ARHGAP22: variants seen among roughly 807,000 people sequenced by gnomAD.
ARHGAP22 encodes rho GTPase-activating protein 22.
Under a neutral mutation model 59.1 loss-of-function variants are expected in ARHGAP22, and 48 were observed. The observed-to-expected ratio is 0.81, with a 90% CI of 0.64 to 1.03. The LOEUF is 1.03. Ranked by LOEUF, ARHGAP22 falls within the 50% of genes least tolerant of loss-of-function variation. The pLI is 0.00. For missense variants in ARHGAP22, 1,015 were observed against 958.7 expected (o/e 1.06, Z -0.78); for synonymous variants, 445 against 416.4 (o/e 1.07, Z -0.84).
At chr10:48,457,550 C>T (rs1396354486) in intron 5 of ARHGAP22, among the ~76,000 whole-genome samples, 1 of 152,202 alleles carries the variant, frequency 6.6e-6, no homozygotes, top group Non-Finnish European at 1.5e-5. Flanking sequence ...GAGAGCCTGG[C>T]GGCCAGGAGT....
At chr10:48,597,561 G>A (rs1426362414) in intron 1 of ARHGAP22, among the ~76,000 whole-genome samples, 2 of 152,164 alleles carry the variant, frequency 1.3e-5, no homozygotes, top group African/African-American at 4.8e-5. Context: ...CTGTGGTGAG[G>A]ATGAAATCAA....
At position 48,450,539 on chromosome 10, in the gene ARHGAP22, C is replaced by A. The variant is rs1479756076; in HGVS notation, c.1590G>T (p.Thr530=). ...CAGACGAGTCGCTGGCGCGGCAGGC[C>A]GTGCAGCTGCTGAGTGAGCCCCCCA... ...SSVGGSLSSC[T]ACRASDSSAR... is the part of the protein sequence containing the mutation. Residue 530 remains threonine, a synonymous_variant, in exon 9 of 10, where the codon ACG becomes ACT. Coordinates refer to ENST00000249601, the MANE Select transcript of ARHGAP22 (RefSeq NM_021226.4). 4.0e-6 allele frequency: 6 copies of A among 1,518,962 alleles called. No individual in the cohort carries two copies. Among genetic ancestry groups the A allele is most frequent in the Non-Finnish European group, 5.3e-6 (6 of 1,133,692 alleles). 94.1% of individuals were successfully genotyped at this position (1,518,962 alleles called of 1,614,324 possible). A position where few individuals can be genotyped will look rare whatever the true frequency, so the allele number is the denominator to read the frequency against.
the ARHGAP22 span, among the ~76,000 whole-genome samples, chr10:48,432,879 C>T: frequency 6.6e-6 from 1 of 152,138 alleles, no homozygotes; most frequent in Non-Finnish European, 1.5e-5. Context: ...CGAGTATTAG[C>T]AAATTAAGCT....
chr10:48,506,274 C>CA (rs72507034), intron 3 of ARHGAP22, among the ~76,000 whole-genome samples: 33,804 of 152,150 alleles, frequency 0.22, 6,379 homozygotes, highest in East Asian at 0.59. Flanking sequence ...AGAGTGTGCT[C>CA]ACACAAACCT....
chr10:48,617,256 G>A (rs2061116297), intron 1 of ARHGAP22, among the ~76,000 whole-genome samples: 1 of 151,950 alleles, frequency 6.6e-6, no homozygotes, highest in Non-Finnish European at 1.5e-5. Flanking sequence ...AATGATAATT[G>A]TGAACTTCAA....
intron 1 of ARHGAP22, among the ~76,000 whole-genome samples, chr10:48,621,444 T>C (rs2061282299): frequency 6.6e-6 from 1 of 152,240 alleles, no homozygotes; most frequent in Non-Finnish European, 1.5e-5. Flanking sequence ...GTTGGATTCT[T>C]ATTCAGAAAA....
chr10:48,547,422 C>G (rs975138328), intron 3 of ARHGAP22, among the ~76,000 whole-genome samples: 2 of 152,226 alleles, frequency 1.3e-5, no homozygotes, highest in Non-Finnish European at 2.9e-5. Context: ...GGGGGGGAGG[C>G]CCCAAGGAGC....
chr10:48,456,077 C>T (rs2046470503), intron 5 of ARHGAP22, among the ~76,000 whole-genome samples: 1 of 152,138 alleles, frequency 6.6e-6, no homozygotes, highest in Non-Finnish European at 1.5e-5. Context: ...AGGTCCTAAA[C>T]GAGAGCCTTG....
intron 1 of ARHGAP22, among the ~76,000 whole-genome samples, chr10:48,646,739 A>G (rs983265614): frequency 3.3e-5 from 5 of 152,234 alleles, no homozygotes; most frequent in African/African-American, 4.8e-5. Flanking sequence ...TTAACTCAAA[A>G]TTGGTCTTAG....
At chr10:48,572,848 T>C (rs1299105294) in intron 2 of ARHGAP22, among the ~76,000 whole-genome samples, 4 of 152,172 alleles carry the variant, frequency 2.6e-5, no homozygotes, top group Non-Finnish European at 5.9e-5. Flanking sequence ...AACCTGGAAA[T>C]GGCATGGCAT....
At chr10:48,601,517 CCTTTT>C (rs1225810624) in intron 1 of ARHGAP22, among the ~76,000 whole-genome samples, 1 of 152,090 alleles carries the variant, frequency 6.6e-6, no homozygotes, top group Non-Finnish European at 1.5e-5. Flanking sequence ...TTGATTTTTT[CCTTTT>C]AAGTGTTATT....
chr10:48,582,849 T>G, intron 2 of ARHGAP22, 104 bp downstream of exon 2: 2 of 1,319,610 alleles, frequency 1.5e-6, no homozygotes, highest in Non-Finnish European at 2.1e-6. Flanking sequence ...ATCACTGTGA[T>G]GGAGTCAGTG....
At position 48,641,159 on chromosome 10, in the gene ARHGAP22, A is replaced by G. The variant is rs190079555; in HGVS notation, c.52+11075T>C. On this transcript the variant is annotated intron_variant, in intron 1 of 9. Coordinates refer to the ARHGAP22 transcript ENST00000435790. ...ATACTAGAAAATATCTATCTAACACAAAAGAGGGTAAAAGAAAAACAGGAA... is the reference window on the plus strand; with the variant it reads ...ATACTAGAAAATATCTATCTAACACGAAAGAGGGTAAAAGAAAAACAGGAA... Among the ~76,000 whole-genome samples, 56 of 152,304 alleles carry G rather than the reference A, an allele frequency of 3.7e-4. No homozygotes were observed. In the East Asian group the frequency reaches 7.7e-3, roughly 21 times the overall value.
At chr10:48,479,829 C>A in intron 3 of ARHGAP22, 65 bp from the exon 4 acceptor site, 1 of 1,441,224 alleles carries the variant, frequency 6.9e-7, no homozygotes, top group Non-Finnish European at 9.2e-7. Context: ...CCACCGCCGG[C>A]ACTAGTCAGC....
At chr10:48,439,886 T>C in the ARHGAP22 span, among the ~76,000 whole-genome samples, 26 of 152,272 alleles carry the variant, frequency 1.7e-4, no homozygotes, top group African/African-American at 6.3e-4. Flanking sequence ...TGCCCTCACC[T>C]GAACTCACAC....
At chr10:48,506,080 A>G (rs1040054830) in intron 3 of ARHGAP22, among the ~76,000 whole-genome samples, 1 of 152,236 alleles carries the variant, frequency 6.6e-6, no homozygotes, top group African/African-American at 2.4e-5. Context: ...AAGGTCAGGC[A>G]GCAGTGGGCC....
chr10:48,590,866 G>C (rs879718858), intron 1 of ARHGAP22, among the ~76,000 whole-genome samples: 1 of 152,066 alleles, frequency 6.6e-6, no homozygotes, highest in African/African-American at 2.4e-5. Flanking sequence ...GGCTGGGGTG[G>C]GTGGGCAGTG....
chr10:48,602,909 G>A (rs1267642368), intron 1 of ARHGAP22, among the ~76,000 whole-genome samples: 1 of 152,206 alleles, frequency 6.6e-6, no homozygotes, highest in Admixed American at 6.5e-5. Context: ...ATAACTGGAG[G>A]GTGAATAGGA....
At chr10:48,649,629 G>C (rs2062467069) in intron 1 of ARHGAP22, among the ~76,000 whole-genome samples, 1 of 152,184 alleles carries the variant, frequency 6.6e-6, no homozygotes, top group Non-Finnish European at 1.5e-5. Context: ...GCAGACCAGT[G>C]GTCTGAAGTT....
Sources: gnomAD v4.1 joint callset for allele counts (sites outside exome capture counted in the v4.1 genomes callset) on GRCh38, gnomAD v4.1.1 for gene constraint, MANE v1.5 for transcripts, NCBI Gene and HGNC (gene_info 2026-07-23, HGNC 2026-07-21) for gene names.